Variants in SNX8 observed in about 807,000 individuals in gnomAD.
SNX8 encodes the protein sorting nexin-8.
Under a neutral mutation model 51.6 loss-of-function variants are expected in SNX8, and 25 were observed. That is an observed-to-expected ratio of 0.48 (90% CI 0.35 to 0.68). The LOEUF is 0.68. Among genes scored for constraint, SNX8 ranks in the 30% least tolerant of loss-of-function variants. SNX8 has a pLI of 0.00. For synonymous variants in SNX8, 324 were observed against 277.0 expected (o/e 1.17, Z -1.68); for missense variants, 695 against 624.0 (o/e 1.11, Z -1.21).
At chr7:2,317,670 C>G (rs1379287932), upstream of SNX8, among the ~76,000 whole-genome samples, 3 of 151,966 alleles carry the variant, frequency 2.0e-5, no homozygotes, top group Non-Finnish European at 4.4e-5. Flanking sequence ...AGGAAGCGTC[C>G]CCTTCTCACA....
chr7:2,351,542 A>T (rs578086961), intron 1 of SNX8, among the ~76,000 whole-genome samples: 131 of 152,160 alleles, frequency 8.6e-4, no homozygotes, highest in African/African-American at 3.1e-3. Context: ...CTGTTAAAAA[A>T]TAATAATAGG....
Position 2,263,677 on chromosome 7 carries a change from C to G in SNX8, c.783-315G>C, listed in dbSNP as rs943046786. On this transcript the variant is annotated intron_variant, in intron 6 of 10. Coordinates refer to ENST00000222990, the MANE Select transcript of SNX8 (RefSeq NM_013321.4). ...CTCCCCTCCCCTCAGGCAAAGGAAG[C>G]GCTGCCAGCCCATGGTCTGTTCTTC... Among the ~76,000 whole-genome samples the G allele has an allele frequency of 1.5e-4, 23 of 152,214 alleles. No homozygotes were observed. The East Asian group carries it at 4.4e-3, about 29-fold the overall frequency.
chr7:2,335,678 CT>C (rs1163622565), intron 1 of SNX8, among the ~76,000 whole-genome samples: 1 of 151,922 alleles, frequency 6.6e-6, no homozygotes, highest in Admixed American at 6.6e-5. Context: ...TGGCAGGCGC[CT>C]GTAGTCCCAG....
intron 1 of SNX8, among the ~76,000 whole-genome samples, chr7:2,302,322 C>A (rs1796416049): frequency 6.6e-6 from 1 of 152,264 alleles, no homozygotes; most frequent in Non-Finnish European, 1.5e-5. Context: ...CCAGGCCGGT[C>A]TCAGCTCCTA....
chr7:2,322,492 C>T (rs1778542453), intron 1 of SNX8, among the ~76,000 whole-genome samples: 1 of 151,746 alleles, frequency 6.6e-6, no homozygotes, highest in African/African-American at 2.4e-5. Flanking sequence ...GTCAGGGGTT[C>T]GAGATCAGCC....
At chr7:2,325,204 A>C (rs1778601090) in intron 1 of SNX8, among the ~76,000 whole-genome samples, 1 of 151,954 alleles carries the variant, frequency 6.6e-6, no homozygotes, top group African/African-American at 2.4e-5. Context: ...ACAGTGGTGC[A>C]ATCAGAGCTC....
intron 7 of SNX8, among the ~76,000 whole-genome samples, chr7:2,262,345 A>T (rs12699807): frequency 0.13 from 20,507 of 152,170 alleles, 1,899 homozygotes; most frequent in Middle Eastern, 0.19. Flanking sequence ...CAGCCATGTA[A>T]CACTTTTTCT....
At chr7:2,348,322 T>C (rs1779071828) in intron 1 of SNX8, among the ~76,000 whole-genome samples, 1 of 145,750 alleles carries the variant, frequency 6.9e-6, no homozygotes, top group African/African-American at 2.5e-5. Context: ...ACAGTATCTT[T>C]TTCTTTTCTT....
At position 2,314,381 on chromosome 7, in the gene SNX8, A is replaced by C. The variant is rs953207659; in HGVS notation, c.41T>G (p.Val14Gly). ...AGCCTCCGCCTCAGCTGCCGCCCCG[A>C]CTGCAGCCGCGGGCAGCGGGTCCAT... ...RAMDPLPAAAVGAAAEAEADE... is the reference protein window; with the variant it reads ...RAMDPLPAAAGGAAAEAEADE... The change falls in exon 1 of 11, where the codon GTC becomes GGC. Residue 14 changes from valine (V) to glycine (G), a missense_variant. Transcript: ENST00000222990. 45 of 1,222,156 alleles carry C rather than the reference A, an allele frequency of 3.7e-5. No individual in the cohort carries two copies. The Admixed American group carries it at 1.5e-3, about 42-fold the overall frequency. The allele number at this position is 1,222,156 out of a possible 1,614,324, so 75.7% of individuals were successfully genotyped here.
Position 2,256,980 on chromosome 7 carries a change from G to T in SNX8, c.1178C>A (p.Ser393Tyr), listed in dbSNP as rs766575430. The part of the protein sequence containing the change: ...IQTMELRNYF[S>Y]LYCLHQETQL... ...CGTCTCCTGGTGCAGGCAGTACAGGGAGAAGTAGTTCCGCAGCTCCATCGT... is the reference window on the plus strand; with the variant it reads ...CGTCTCCTGGTGCAGGCAGTACAGGTAGAAGTAGTTCCGCAGCTCCATCGT... The change falls in exon 10 of 11, where the codon TCC becomes TAC. Residue 393 changes from serine to tyrosine, a missense_variant. Ser to Tyr is a moderately radical substitution (Grantham distance 144). Transcript: ENST00000222990. 1.5e-5 allele frequency: 25 copies of T among 1,613,026 alleles called. No homozygotes were observed. Among genetic ancestry groups the T allele is most frequent in the Non-Finnish European group, 2.1e-5 (25 of 1,179,550 alleles).
chr7:2,269,358 T>C (rs1308407635), intron 5 of SNX8, among the ~76,000 whole-genome samples: 26 of 150,372 alleles, frequency 1.7e-4, no homozygotes, highest in South Asian at 4.2e-4. Flanking sequence ...TCTCAAGTAA[T>C]CAGGGACACA....
intron 7 of SNX8, among the ~76,000 whole-genome samples, chr7:2,260,336 G>A (rs1190006873): frequency 6.6e-6 from 1 of 152,146 alleles, no homozygotes; most frequent in Admixed American, 6.5e-5. Context: ...GACCTCAGGT[G>A]ATCTGCCCAT....
intron 5 of SNX8, among the ~76,000 whole-genome samples, chr7:2,267,321 T>G (rs941308033): frequency 6.5e-5 from 3 of 45,886 alleles, no homozygotes; most frequent in African/African-American, 1.5e-4. Context: ...CCCCTCCCCC[T>G]CCCCCTCCCC....
intron 3 of SNX8, among the ~76,000 whole-genome samples, chr7:2,273,198 C>G (rs1584686494): frequency 6.6e-6 from 1 of 152,154 alleles, no homozygotes; most frequent in East Asian, 1.9e-4. Context: ...CCTGTAATCC[C>G]AGCCTCTTGG....
chr7:2,312,000 C>T (rs1340178373), intron 1 of SNX8, among the ~76,000 whole-genome samples: 2 of 152,002 alleles, frequency 1.3e-5, no homozygotes, highest in African/African-American at 4.8e-5. Context: ...GACCAAGTTT[C>T]AAACAGAAGG....
intron 5 of SNX8, among the ~76,000 whole-genome samples, chr7:2,269,275 C>T (rs1013723475): frequency 5.3e-5 from 8 of 151,270 alleles, no homozygotes; most frequent in African/African-American, 1.9e-4. Context: ...GGATTAAGGG[C>T]GGTGCAGGAT....
At chr7:2,285,514 C>T (rs79737139) in intron 1 of SNX8, among the ~76,000 whole-genome samples, 7,791 of 152,206 alleles carry the variant, frequency 0.051, 369 homozygotes, top group African/African-American at 0.12. Flanking sequence ...AGTTTGGCAG[C>T]TCTGTGGCCA....
intron 10 of SNX8, 76 bp downstream of exon 10, chr7:2,256,798 T>C (rs1282302577): frequency 2.7e-6 from 4 of 1,499,064 alleles, no homozygotes; most frequent in Non-Finnish European, 3.6e-6. Context: ...GCCACCGCGC[T>C]GCCGGGCTTG....
rs1025699967 is a variant in SNX8 at position 2,269,775 on chromosome 7, G to C, written c.541-136C>G. 7.5e-6 allele frequency: 4 copies of C among 536,576 alleles called. No individual in the cohort carries two copies. The East Asian group carries it at 1.2e-4, about 17-fold the overall frequency. 33.2% of individuals were successfully genotyped at this position (536,576 alleles called of 1,614,324 possible). ...TTTCCATATGTTGGCTTTGACATTA[G>C]TATTCTGCAATCTCTTGACTCTCCC... On this transcript the variant is annotated intron_variant, in intron 4 of 10. Coordinates refer to ENST00000222990, the MANE Select transcript of SNX8 (RefSeq NM_013321.4).
Sources: gnomAD v4.1 joint callset for allele counts (sites outside exome capture counted in the v4.1 genomes callset) on GRCh38, gnomAD v4.1.1 for gene constraint, MANE v1.5 for transcripts, NCBI Gene and HGNC (gene_info 2026-07-23, HGNC 2026-07-21) for gene names.